Variants in WWOX observed in about 807,000 individuals in gnomAD.
The protein encoded by WWOX is WW domain containing oxidoreductase, also known as WW domain-containing oxidoreductase.
In WWOX, 69 loss-of-function variants were observed where a neutral mutation model predicts 46.2. The observed-to-expected ratio is 1.49, with a 90% CI of 1.23 to 1.82. The LOEUF (loss-of-function observed/expected upper bound fraction) is 1.82, where lower values mean the gene tolerates loss of function less well. WWOX is among the 40% of genes most tolerant of loss of function. The pLI is 0.00. For missense variants in WWOX, 919 were observed against 542.6 expected (o/e 1.69, Z -6.89); for synonymous variants, 359 against 202.6 (o/e 1.77, Z -6.56).
At chr16:78,697,141 C>G (rs1283012665) in intron 8 of WWOX, among the ~76,000 whole-genome samples, 1 of 152,134 alleles carries the variant, frequency 6.6e-6, no homozygotes, top group African/African-American at 2.4e-5. Flanking sequence ...GCAAGTATGT[C>G]TTTCATATAA....
chr16:78,777,715 A>G (rs931711578), intron 8 of WWOX, among the ~76,000 whole-genome samples: 7 of 152,192 alleles, frequency 4.6e-5, no homozygotes, highest in African/African-American at 1.7e-4. Context: ...ATAAGTACCT[A>G]TTATGTGCCA....
At chr16:78,810,700 C>G (rs778006574) in intron 8 of WWOX, among the ~76,000 whole-genome samples, 7 of 152,196 alleles carry the variant, frequency 4.6e-5, no homozygotes, top group Non-Finnish European at 1.0e-4. Flanking sequence ...GCCATAGTAT[C>G]AAGGGTGGAA....
At position 78,100,730 on chromosome 16, in the gene WWOX, G is replaced by T. The variant is rs139906120; in HGVS notation, c.107+845G>T. Among the ~76,000 whole-genome samples, 251 of 152,316 alleles carry T rather than the reference G, an allele frequency of 1.6e-3. 1 individual carries two copies. Among genetic ancestry groups the T allele is most frequent in the African/African-American group, 5.8e-3 (243 of 41,572 alleles). The stretch of plus-strand genomic sequence containing the variant: ...ACGAGGGTCAGTTCAGGCACTGTGC[G>T]TAAAGCACATAGCACCGTGTCTAGT... On this transcript the variant is annotated intron_variant, in intron 1 of 8. Transcript: ENST00000566780.
intron 8 of WWOX, among the ~76,000 whole-genome samples, chr16:78,861,382 TA>T (rs1293889010): frequency 6.6e-6 from 1 of 152,156 alleles, no homozygotes; most frequent in African/African-American, 2.4e-5. Context: ...TTTTAAAATG[TA>T]AAATGATTTA....
intron 8 of WWOX, among the ~76,000 whole-genome samples, chr16:78,805,059 A>G (rs2050993396): frequency 6.6e-6 from 1 of 152,248 alleles, no homozygotes; most frequent in Non-Finnish European, 1.5e-5. Flanking sequence ...CCCATCTTAA[A>G]AATAAAAGTA....
chr16:78,328,769 G>T (rs1220444361), intron 5 of WWOX, among the ~76,000 whole-genome samples: 2 of 152,126 alleles, frequency 1.3e-5, no homozygotes, highest in Non-Finnish European at 2.9e-5. Context: ...CACACCCTCA[G>T]CACCTCCAGT....
At chr16:78,327,772 G>T (rs1481602160) in intron 5 of WWOX, among the ~76,000 whole-genome samples, 2 of 151,682 alleles carry the variant, frequency 1.3e-5, no homozygotes, top group Non-Finnish European at 2.9e-5. Context: ...GTCTACAGTG[G>T]TTCTTTGTAC....
intron 5 of WWOX, among the ~76,000 whole-genome samples, chr16:78,240,000 G>T (rs1178052869): frequency 5.0e-5 from 1 of 19,846 alleles, no homozygotes; most frequent in Non-Finnish European, 1.1e-4. Context: ...CAGTGTGGGT[G>T]TGAGTTGCAG....
chr16:78,828,999 C>A (rs544945308), intron 8 of WWOX, among the ~76,000 whole-genome samples: 1 of 152,094 alleles, frequency 6.6e-6, no homozygotes, highest in Non-Finnish European at 1.5e-5. Flanking sequence ...GGATTTAAAC[C>A]CTTGGACTTC....
chr16:78,124,755 G>T (rs2033285056), intron 4 of WWOX, among the ~76,000 whole-genome samples: 2 of 152,198 alleles, frequency 1.3e-5, no homozygotes, highest in African/African-American at 4.8e-5. Flanking sequence ...TTGCTCACCA[G>T]GCTGTGCTTG....
rs527448132 is a variant in WWOX, at chr16:78,867,161, G to C, written c.1057-344447G>C. 2.8e-4 allele frequency among the ~76,000 whole-genome samples: 43 copies of C among 152,244 alleles called. 1 individual carries two copies. Among genetic ancestry groups the C allele is most frequent in the African/African-American group, 8.4e-4 (35 of 41,542 alleles). Reference sequence around the variant, plus strand: ...GTGGGTCAATGACAAGAAAAGTGGAGAAGATGAGACAGACAAAACTGCAAC... The same window carrying C: ...GTGGGTCAATGACAAGAAAAGTGGACAAGATGAGACAGACAAAACTGCAAC... On this transcript the variant is annotated intron_variant, in intron 8 of 8. Transcript: ENST00000566780.
At chr16:78,376,171 G>C (rs769150088) in intron 5 of WWOX, among the ~76,000 whole-genome samples, 1 of 152,046 alleles carries the variant, frequency 6.6e-6, no homozygotes, top group Non-Finnish European at 1.5e-5. Flanking sequence ...ATACTACCCA[G>C]GAATTTTCAC....
At chr16:78,378,860 T>C (rs555613721) in intron 5 of WWOX, among the ~76,000 whole-genome samples, 1 of 152,294 alleles carries the variant, frequency 6.6e-6, no homozygotes, top group South Asian at 2.1e-4. Context: ...GTAAAATAAA[T>C]ATGATATAAA....
intron 8 of WWOX, among the ~76,000 whole-genome samples, chr16:78,881,582 A>C (rs375287548): frequency 6.6e-6 from 1 of 152,206 alleles, no homozygotes; most frequent in Non-Finnish European, 1.5e-5. Context: ...TCTAGCTTTA[A>C]GATCAAGAGT....
At chr16:78,176,473 A>T (rs1366899101) in intron 5 of WWOX, among the ~76,000 whole-genome samples, 2 of 152,136 alleles carry the variant, frequency 1.3e-5, no homozygotes, top group African/African-American at 2.4e-5. Context: ...CCATGCACTT[A>T]TTTACCGGCA....
At chr16:78,739,766 G>A (rs527426617) in intron 8 of WWOX, among the ~76,000 whole-genome samples, 3 of 152,192 alleles carry the variant, frequency 2.0e-5, no homozygotes, top group South Asian at 2.1e-4. Flanking sequence ...AGCCGAGATC[G>A]TACCATTGCA....
intron 8 of WWOX, among the ~76,000 whole-genome samples, chr16:78,793,887 C>G (rs1412771275): frequency 6.6e-6 from 1 of 151,500 alleles, no homozygotes; most frequent in African/African-American, 2.4e-5. Flanking sequence ...ACCTCCTCAT[C>G]TCTACAAAAA....
At chr16:78,841,778 T>TA (rs1567597583) in intron 8 of WWOX, among the ~76,000 whole-genome samples, 1 of 152,278 alleles carries the variant, frequency 6.6e-6, no homozygotes, top group South Asian at 2.1e-4. Flanking sequence ...ATGTTTTCTT[T>TA]AAAAAAAATT....
chr16:78,531,166 T>G (rs2043612358), intron 8 of WWOX, among the ~76,000 whole-genome samples: 1 of 152,212 alleles, frequency 6.6e-6, no homozygotes, highest in African/African-American at 2.4e-5. Flanking sequence ...ATGTAGAAAT[T>G]AAGCAGAAAA....
Sources: gnomAD v4.1 joint callset for allele counts (sites outside exome capture counted in the v4.1 genomes callset) on GRCh38, gnomAD v4.1.1 for gene constraint, MANE v1.5 for transcripts, NCBI Gene and HGNC (gene_info 2026-07-23, HGNC 2026-07-21) for gene names.